CEP63: variants seen among roughly 807,000 people sequenced by gnomAD.
CEP63 encodes centrosomal protein 63, also known as centrosomal protein of 63 kDa.
CEP63 carries 84 observed loss-of-function variants against 89.1 expected under a neutral mutation model. The observed-to-expected ratio is 0.94, with a 90% CI of 0.79 to 1.13. The LOEUF (loss-of-function observed/expected upper bound fraction) is 1.13, where lower values mean the gene tolerates loss of function less well. Ranked by LOEUF, CEP63 falls within the 50% of genes most tolerant of loss-of-function variation. CEP63 has a pLI of 0.00. For missense variants in CEP63, 838 were observed against 813.3 expected, an observed-to-expected ratio of 1.03 and a Z score of -0.37; for synonymous variants, 267 against 272.5, an observed-to-expected ratio of 0.98 and a Z score of 0.20.
At chr3:134,586,227 T>C (rs4257598) in intron 10 of CEP63, among the ~76,000 whole-genome samples, 151,549 of 152,144 alleles carry the variant, frequency 1, 75,482 homozygotes, top group Middle Eastern at 1. Flanking sequence ...GAATTTGATC[T>C]TGTCATTATA....
At chr3:134,724,573 A>G in the CEP63 span, among the ~76,000 whole-genome samples, 12 of 152,238 alleles carry the variant, frequency 7.9e-5, no homozygotes, top group African/African-American at 2.9e-4. Flanking sequence ...TGAAATGTAC[A>G]GAACCTGCAG....
At chr3:134,588,057 G>A (rs138850095), downstream of CEP63, among the ~76,000 whole-genome samples, 14 of 152,228 alleles carry the variant, frequency 9.2e-5, no homozygotes, top group East Asian at 2.5e-3. Context: ...ACTTTGGGAG[G>A]CCAATGTGGG....
chr3:134,631,574 C>A, the CEP63 span, among the ~76,000 whole-genome samples: 1 of 151,994 alleles, frequency 6.6e-6, no homozygotes, highest in Non-Finnish European at 1.5e-5. Flanking sequence ...AAATATATGA[C>A]AACTACAACA....
At chr3:134,590,671 AACAT>A (rs2107686570), downstream of CEP63, among the ~76,000 whole-genome samples, 1 of 152,342 alleles carries the variant, frequency 6.6e-6, no homozygotes, top group South Asian at 2.1e-4. Flanking sequence ...TGTAAATGTC[AACAT>A]ACAGTACACT....
chr3:134,739,293 T>G, the CEP63 span, among the ~76,000 whole-genome samples: 1 of 152,192 alleles, frequency 6.6e-6, no homozygotes, highest in Non-Finnish European at 1.5e-5. Context: ...AAAAAAGAAT[T>G]ATTGAGGATG....
intron 9 of CEP63, 142 bp downstream of exon 9, chr3:134,547,614 C>CTTTTTTTTTTTTTTTAT (rs62656962): frequency 4.5e-6 from 1 of 224,274 alleles, no homozygotes; most frequent in Non-Finnish European, 8.0e-6. Context: ...GTTCTTATTT[C>CTTTTTTTTTTTTTTTAT]TTTTTTTTTT....
chr3:134,655,175 G>T, the CEP63 span, among the ~76,000 whole-genome samples: 50 of 152,130 alleles, frequency 3.3e-4, no homozygotes, highest in African/African-American at 1.2e-3. Context: ...ATTCCAGCCA[G>T]ACCCCCTGCT....
chr3:134,545,904 A>G, intron 7 of CEP63, 85 bp downstream of exon 7: 2 of 1,029,920 alleles, frequency 1.9e-6, no homozygotes, highest in Non-Finnish European at 1.4e-6. Flanking sequence ...TAGGTTCTAC[A>G]ATCCATACTT....
At chr3:134,588,238 G>C (rs1267899853), downstream of CEP63, among the ~76,000 whole-genome samples, 1 of 152,006 alleles carries the variant, frequency 6.6e-6, no homozygotes, top group African/African-American at 2.4e-5. Flanking sequence ...GCAGTGAGCT[G>C]AGACAGTGCG....
intron 3 of CEP63, among the ~76,000 whole-genome samples, chr3:134,519,848 A>G (rs902020139): frequency 3.3e-5 from 5 of 152,132 alleles, no homozygotes; most frequent in Admixed American, 1.3e-4. Context: ...TCAATCCAGG[A>G]AAAGAATTTA....
the CEP63 span, among the ~76,000 whole-genome samples, chr3:134,711,779 T>C: frequency 6.6e-6 from 1 of 151,448 alleles, no homozygotes; most frequent in Non-Finnish European, 1.5e-5. Flanking sequence ...TTTTTTTTTT[T>C]TGAGACAGAG....
intron 4 of CEP63, 33 bp downstream of exon 4, chr3:134,531,973 G>C: frequency 1.4e-6 from 2 of 1,461,806 alleles, no homozygotes; most frequent in Non-Finnish European, 1.9e-6. Context: ...TGTTGTGTGT[G>C]TAGTTCTCTC....
chr3:134,527,408 A>G (rs1210916996), intron 3 of CEP63, among the ~76,000 whole-genome samples: 1 of 151,988 alleles, frequency 6.6e-6, no homozygotes, highest in Non-Finnish European at 1.5e-5. Flanking sequence ...GTGTTGGTGC[A>G]AGGAAGGGGC....
chr3:134,649,349 C>T, the CEP63 span, among the ~76,000 whole-genome samples: 1 of 152,298 alleles, frequency 6.6e-6, no homozygotes, highest in Non-Finnish European at 1.5e-5. Context: ...GGCTTCTCTG[C>T]ATTCTTTGCC....
At chr3:134,516,247 A>C (rs926417214) in intron 3 of CEP63, among the ~76,000 whole-genome samples, 1 of 152,200 alleles carries the variant, frequency 6.6e-6, no homozygotes, top group Non-Finnish European at 1.5e-5. Flanking sequence ...TGTGCTTTAG[A>C]TATGCATACA....
chr3:134,497,948 C>T (rs1940706972), intron 2 of CEP63, among the ~76,000 whole-genome samples: 1 of 152,070 alleles, frequency 6.6e-6, no homozygotes, highest in Non-Finnish European at 1.5e-5. Context: ...TATACTAATA[C>T]CATGCTATTT....
Position 134,558,276 on chromosome 3 carries a change from CA to C in CEP63, c.1608del (p.Lys536AsnfsTer34), listed in dbSNP as rs756469612. ...SQLEISTQMC[K>X]KQNDRIFKPT... ...AGCTGGAGATTTCTACTCAGATGTG[CA>C]AAAAACAAAATGACAGGATCTTTAA... On this transcript the variant is annotated frameshift_variant, in exon 13 of 15. Coordinates refer to ENST00000675561, the MANE Select transcript of CEP63 (RefSeq NM_001353108.3). LOFTEE classifies it high-confidence loss of function. 6.2e-7 allele frequency: 1 copy of C among 1,613,618 alleles called. No homozygotes were observed. Among genetic ancestry groups the C allele is most frequent in the African/African-American group, 1.3e-5 (1 of 74,980 alleles).
At chr3:134,541,298 C>T (rs1951941579) in intron 6 of CEP63, among the ~76,000 whole-genome samples, 1 of 152,052 alleles carries the variant, frequency 6.6e-6, no homozygotes, top group Non-Finnish European at 1.5e-5. Context: ...TGATATCATA[C>T]TATAAAGTCT....
intron 6 of CEP63, among the ~76,000 whole-genome samples, chr3:134,538,651 C>T (rs915893599): frequency 2.0e-5 from 3 of 150,092 alleles, no homozygotes; most frequent in African/African-American, 7.3e-5. Flanking sequence ...TTCCTGGGCT[C>T]CAGCAATCCT....
Sources: gnomAD v4.1 joint callset for allele counts (sites outside exome capture counted in the v4.1 genomes callset) on GRCh38, gnomAD v4.1.1 for gene constraint, MANE v1.5 for transcripts, NCBI Gene and HGNC (gene_info 2026-07-23, HGNC 2026-07-21) for gene names.